The following CHODL variants were observed in gnomAD, a reference collection of about 807,000 sequenced individuals.
CHODL encodes chondrolectin, also known as transmembrane protein MT75.
A neutral mutation model predicts 34.5 loss-of-function variants in CHODL; 29 were observed. The observed-to-expected ratio is 0.84, with a 90% confidence interval of 0.63 to 1.15. The LOEUF (loss-of-function observed/expected upper bound fraction) is 1.15. Ranked by LOEUF, CHODL falls within the 50% of genes most tolerant of loss-of-function variation. The pLI is 0.00. For synonymous variants in CHODL, 125 were observed against 116.1 expected (o/e 1.08, Z -0.49); for missense variants, 332 against 332.5 (o/e 1.00, Z 0.01).
chr21:18,249,106 A>AAT (rs530319825), intron 1 of CHODL, among the ~76,000 whole-genome samples: 12 of 127,360 alleles, frequency 9.4e-5, no homozygotes, highest in Admixed American at 9.2e-4. Context: ...TATATATAAT[A>AAT]ATATATATAT....
chr21:18,131,152 C>CAGAGAGAG lies in CHODL; in HGVS notation c.-45+103191_-45+103198dup, dbSNP rs372980813. On this transcript the variant is annotated intron_variant, in intron 2 of 6. Transcript: ENST00000400127. ...AGCAGAGAGAGAGAGACAGAGAGAG[C>CAGAGAGAG]AGAGAGAGAGAGAGAGATTGAAAAC... Among the ~76,000 whole-genome samples, 74 of 149,810 alleles carry CAGAGAGAG rather than the reference C, an allele frequency of 4.9e-4. 1 individual carries two copies. The South Asian group carries it at 0.014, about 28-fold the overall frequency.
intron 1 of CHODL, among the ~76,000 whole-genome samples, chr21:18,250,543 T>G (rs1690912717): frequency 1.3e-5 from 2 of 151,980 alleles, no homozygotes. Flanking sequence ...AAAATCTCTG[T>G]TGTAAAAATA....
intron 2 of CHODL, among the ~76,000 whole-genome samples, chr21:18,192,377 A>G (rs2073521120): frequency 2.0e-5 from 3 of 152,334 alleles, no homozygotes; most frequent in South Asian, 4.1e-4. Context: ...CATCATGAAC[A>G]AGGAAGAAAA....
At chr21:18,112,882 G>C (rs1186160945) in intron 2 of CHODL, among the ~76,000 whole-genome samples, 1 of 152,012 alleles carries the variant, frequency 6.6e-6, no homozygotes, top group Non-Finnish European at 1.5e-5. Flanking sequence ...AATACCCTAA[G>C]AGCACAGGCA....
chr21:18,082,909 A>G (rs1752781427), intron 2 of CHODL, among the ~76,000 whole-genome samples: 1 of 150,982 alleles, frequency 6.6e-6, no homozygotes. Context: ...CAGCCTGACC[A>G]TGTAGGAGGA....
At chr21:17,977,517 G>A (rs1485293341) in intron 1 of CHODL, among the ~76,000 whole-genome samples, 2 of 150,420 alleles carry the variant, frequency 1.3e-5, no homozygotes, top group African/African-American at 2.4e-5. Context: ...GCGCCACTGC[G>A]CCCAGCTAAT....
At chr21:18,095,974 G>A (rs532864936) in intron 2 of CHODL, among the ~76,000 whole-genome samples, 17 of 152,216 alleles carry the variant, frequency 1.1e-4, no homozygotes, top group East Asian at 5.8e-4. Context: ...TAAATGTTTC[G>A]GGAAGTCAGG....
At chr21:18,074,629 G>A (rs158027) in intron 2 of CHODL, among the ~76,000 whole-genome samples, 61,234 of 151,888 alleles carry the variant, frequency 0.4, 13,662 homozygotes, top group East Asian at 0.95. Context: ...TTTTTGATAT[G>A]TTTAAAATTT....
intron 2 of CHODL, among the ~76,000 whole-genome samples, chr21:18,028,641 A>G (rs1194753266): frequency 2.0e-5 from 3 of 150,610 alleles, no homozygotes; most frequent in African/African-American, 7.3e-5. Context: ...GGAGGTTGCA[A>G]TGAACCAAGA....
chr21:18,069,807 G>T (rs935946366), intron 2 of CHODL, among the ~76,000 whole-genome samples: 2 of 151,750 alleles, frequency 1.3e-5, no homozygotes, highest in Non-Finnish European at 2.9e-5. Context: ...ACAGAGTCTT[G>T]CTGTGTTGCC....
intron 1 of CHODL, among the ~76,000 whole-genome samples, chr21:17,976,305 G>A (rs1474361328): frequency 7.5e-6 from 1 of 133,774 alleles, no homozygotes; most frequent in African/African-American, 2.7e-5. Flanking sequence ...AAAAGACATT[G>A]TTTCTTATTG....
chr21:18,214,412 T>C (rs1450298521), intron 2 of CHODL, among the ~76,000 whole-genome samples: 1 of 152,114 alleles, frequency 6.6e-6, no homozygotes, highest in African/African-American at 2.4e-5. Context: ...GTTTTAATTA[T>C]CTTTCAATCG....
intron 2 of CHODL, among the ~76,000 whole-genome samples, chr21:18,110,000 A>T (rs1465451994): frequency 6.6e-6 from 1 of 152,180 alleles, no homozygotes; most frequent in African/African-American, 2.4e-5. Context: ...AAGGGGAAAA[A>T]ATAATGTGCT....
upstream of CHODL, among the ~76,000 whole-genome samples, chr21:18,240,807 G>A (rs1188874159): frequency 6.6e-6 from 1 of 151,994 alleles, no homozygotes; most frequent in Admixed American, 6.6e-5. Flanking sequence ...GATCTGATAG[G>A]ATATATTACT....
chr21:18,016,163 C>T (rs2064071627), intron 1 of CHODL, among the ~76,000 whole-genome samples: 1 of 152,242 alleles, frequency 6.6e-6, no homozygotes, highest in Non-Finnish European at 1.5e-5. Flanking sequence ...GCAGCCCATC[C>T]TGTAACAGGC....
At chr21:18,106,440 C>A (rs2251419) in intron 2 of CHODL, among the ~76,000 whole-genome samples, 70,966 of 151,312 alleles carry the variant, frequency 0.47, 17,390 homozygotes, top group African/African-American at 0.53. Context: ...GAGCAATATA[C>A]ATACTTTTGA....
intron 2 of CHODL, among the ~76,000 whole-genome samples, chr21:18,138,479 T>C (rs1172588944): frequency 6.6e-6 from 1 of 152,150 alleles, no homozygotes; most frequent in Non-Finnish European, 1.5e-5. Context: ...ATGTGACAGC[T>C]TTTTCTGTTA....
intron 2 of CHODL, among the ~76,000 whole-genome samples, chr21:18,196,973 G>T (rs958733224): frequency 6.6e-6 from 1 of 151,988 alleles, no homozygotes; most frequent in Admixed American, 6.6e-5. Flanking sequence ...ATGTTCTCAC[G>T]ACACACACCC....
intron 2 of CHODL, among the ~76,000 whole-genome samples, chr21:18,171,006 C>A (rs535646578): frequency 6.6e-6 from 1 of 151,094 alleles, no homozygotes; most frequent in African/African-American, 2.4e-5. Flanking sequence ...ATATAAATTT[C>A]TCCTTTGTTT....
Sources: allele counts gnomAD v4.1 joint callset (sites outside exome capture counted in the v4.1 genomes callset), GRCh38; gene constraint gnomAD v4.1.1; transcripts MANE v1.5; gene names NCBI Gene and HGNC (gene_info 2026-07-23, HGNC 2026-07-21).